ABCB5: variants seen among roughly 807,000 people sequenced by gnomAD.
ABCB5 encodes ATP-binding cassette sub-family B member 5.
Under a neutral mutation model 144.2 loss-of-function variants are expected in ABCB5, and 155 were observed. The observed-to-expected ratio is 1.08, with a 90% confidence interval of 0.94 to 1.23. ABCB5 has a LOEUF of 1.23. Among genes scored for constraint, ABCB5 ranks in the 50% most tolerant of loss-of-function variants. ABCB5 has a pLI of 0.00. For synonymous variants in ABCB5, 610 were observed against 528.6 expected (o/e 1.15, Z -2.11); for missense variants, 1,830 against 1,520.8 (o/e 1.20, Z -3.38).
At chr7:20,738,068 G>A (rs1432942401) in intron 23 of ABCB5, among the ~76,000 whole-genome samples, 1 of 152,192 alleles carries the variant, frequency 6.6e-6, no homozygotes, top group East Asian at 1.9e-4. Flanking sequence ...TTCACAAGGA[G>A]CCCAGACGTG....
chr7:20,706,882 A>G (rs1221150938), intron 20 of ABCB5, among the ~76,000 whole-genome samples: 1 of 152,200 alleles, frequency 6.6e-6, no homozygotes, highest in African/African-American at 2.4e-5. Context: ...GAATAAAACA[A>G]TCGAAGAAAG....
Position 20,643,331 on chromosome 7 carries a change from G to C in ABCB5, c.462G>C (p.Trp154Cys). 6.2e-7 allele frequency: 1 copy of C among 1,613,970 alleles called. No homozygotes were observed. Among genetic ancestry groups the C allele is most frequent in the Non-Finnish European group, 8.5e-7 (1 of 1,179,890 alleles). Residue 154 changes from tryptophan to cysteine, a missense_variant, in exon 6 of 28, where the codon TGG becomes TGC. Trp to Cys is a radical substitution (Grantham distance 215, BLOSUM62 -2). Coordinates refer to ENST00000404938, the MANE Select transcript of ABCB5 (RefSeq NM_001163941.2). Reference sequence around the variant, plus strand: ...CAGTTTTGGCACAGGACATCGGCTGGTTTGATAGCTGTGACATCGGTGAAC... The same window carrying C: ...CAGTTTTGGCACAGGACATCGGCTGCTTTGATAGCTGTGACATCGGTGAAC... ...FHSVLAQDIG[W>C]FDSCDIGELN...
intron 23 of ABCB5, among the ~76,000 whole-genome samples, chr7:20,738,156 T>C (rs1782448592): frequency 6.6e-6 from 1 of 152,224 alleles, no homozygotes; most frequent in Admixed American, 6.5e-5. Context: ...TGTTTAAATA[T>C]TGCCAGCGAC....
intron 21 of ABCB5, among the ~76,000 whole-genome samples, chr7:20,726,209 C>T (rs116835727): frequency 0.012 from 1,781 of 152,184 alleles, 38 homozygotes; most frequent in African/African-American, 0.04. Context: ...CATTCACAGA[C>T]GCCAATATGA....
chr7:20,664,717 CTT>C (rs1785116923), intron 14 of ABCB5, among the ~76,000 whole-genome samples: 1 of 116,828 alleles, frequency 8.6e-6, no homozygotes, highest in Non-Finnish European at 1.8e-5. Context: ...ACCATTTACT[CTT>C]CTTACCCACC....
chr7:20,742,441 T>C lies in ABCB5; in HGVS notation c.3025-436T>C, dbSNP rs528031775. 3.9e-5 allele frequency among the ~76,000 whole-genome samples: 6 copies of C among 152,314 alleles called. No individual in the cohort carries two copies. The East Asian group carries it at 1.2e-3, about 29-fold the overall frequency. On this transcript the variant is annotated intron_variant, in intron 24 of 27. Coordinates refer to ENST00000404938, the MANE Select transcript of ABCB5 (RefSeq NM_001163941.2). ...TTCAAAACATACTGTACCTTCACTATAAAACATGGCCCAATTTAGAGAAAT... is the reference window on the plus strand; with the variant it reads ...TTCAAAACATACTGTACCTTCACTACAAAACATGGCCCAATTTAGAGAAAT...
chr7:20,747,929 T>G (rs1782780379), intron 26 of ABCB5, among the ~76,000 whole-genome samples: 1 of 152,188 alleles, frequency 6.6e-6, no homozygotes, highest in Admixed American at 6.5e-5. Flanking sequence ...TATGCTCAGT[T>G]GGCTGGGAAA....
chr7:20,650,864 G>A (rs967113581), intron 12 of ABCB5, among the ~76,000 whole-genome samples: 7 of 152,112 alleles, frequency 4.6e-5, no homozygotes, highest in Admixed American at 4.6e-4. Flanking sequence ...AGAAAACAAG[G>A]GTTGGTAAGA....
intron 20 of ABCB5, among the ~76,000 whole-genome samples, chr7:20,711,893 C>T (rs1787084917): frequency 2.6e-5 from 3 of 113,842 alleles, no homozygotes; most frequent in East Asian, 3.2e-4. Context: ...TCCCTCCCTC[C>T]TTCCTTCCTT....
intron 14 of ABCB5, among the ~76,000 whole-genome samples, chr7:20,673,524 C>T (rs1785515194): frequency 6.6e-6 from 1 of 151,934 alleles, no homozygotes; most frequent in Non-Finnish European, 1.5e-5. Flanking sequence ...AACTTATTTA[C>T]TTTGGTTATA....
intron 23 of ABCB5, among the ~76,000 whole-genome samples, chr7:20,731,227 G>A (rs902494263): frequency 2.0e-5 from 3 of 151,520 alleles, no homozygotes; most frequent in African/African-American, 4.9e-5. Flanking sequence ...GGTGGTGGGC[G>A]CCTGTAATCC....
chr7:20,630,844 ATTCTAATTT>A (rs57419347), intron 4 of ABCB5, among the ~76,000 whole-genome samples: 36,534 of 151,934 alleles, frequency 0.24, 5,128 homozygotes, highest in African/African-American at 0.39. Context: ...ATTGCTGTGA[ATTCTAATTT>A]TTCTTGTTGT....
chr7:20,668,554 G>C (rs1432777791), intron 14 of ABCB5, among the ~76,000 whole-genome samples: 2 of 151,532 alleles, frequency 1.3e-5, no homozygotes, highest in African/African-American at 2.4e-5. Context: ...AATGAGGAGC[G>C]TCTCCGCCCG....
Position 20,643,236 on chromosome 7 carries a change from A to G in ABCB5, c.367A>G (p.Ile123Val). ...IGVAALIFGY[I>V]QISLWIITAA... ...TGTTGCTGCCTTGATTTTTGGTTAC[A>G]TACAGATTTCCTTGTGGATTATAAC... is the stretch of plus-strand genomic sequence containing the variant. The change falls in exon 6 of 28, where the codon ATA (isoleucine) becomes GTA (valine). Residue 123 changes from isoleucine (I) to valine (V), a missense_variant. Physicochemically the swap from Ile to Val is conservative, Grantham distance 29 (BLOSUM62 3). Transcript: ENST00000404938. The G allele has an allele frequency of 6.2e-7, 1 of 1,613,616 alleles. No homozygotes were observed. The highest frequency in any genetic ancestry group is 8.5e-7 in the Non-Finnish European group (1 of 1,179,700).
chr7:20,627,709 G>A (rs1385746787), intron 3 of ABCB5, among the ~76,000 whole-genome samples: 2 of 151,640 alleles, frequency 1.3e-5, no homozygotes, highest in Non-Finnish European at 1.5e-5. Context: ...GATAGGCATT[G>A]TTCTGTGTAG....
At chr7:20,645,659 T>C in intron 7 of ABCB5, 97 bp from the exon 8 acceptor site, 1 of 1,421,208 alleles carries the variant, frequency 7.0e-7, no homozygotes, top group Non-Finnish European at 9.6e-7. Context: ...AAAAATACCA[T>C]TAGTCTACTT....
intron 5 of ABCB5, among the ~76,000 whole-genome samples, chr7:20,634,990 G>A (rs183858367): frequency 9.2e-5 from 14 of 151,986 alleles, no homozygotes; most frequent in South Asian, 4.2e-4. Flanking sequence ...GCCAATGTCC[G>A]GAAGAGTTTG....
At chr7:20,728,248 C>T in intron 22 of ABCB5, 67 bp from the exon 23 acceptor site, 1 of 1,546,378 alleles carries the variant, frequency 6.5e-7, no homozygotes, top group Admixed American at 1.8e-5. Flanking sequence ...ATTTATTACT[C>T]TACATGTATT....
Position 20,711,064 on chromosome 7 carries a change from G to T in ABCB5, c.2421+6257G>T, listed in dbSNP as rs759113935. Among the ~76,000 whole-genome samples the T allele has an allele frequency of 3.9e-4, 58 of 149,676 alleles. 3 individuals are homozygous for T. Among genetic ancestry groups the T allele is most frequent in the Non-Finnish European group, 7.1e-4 (48 of 67,332 alleles). ...TACAGCGTAAGAAACTTAAAATAGTGCAGTACTTCCATTTTCCCCTCCAAA... is the reference window on the plus strand; with the variant it reads ...TACAGCGTAAGAAACTTAAAATAGTTCAGTACTTCCATTTTCCCCTCCAAA... On this transcript the variant is annotated intron_variant, in intron 20 of 27. Coordinates refer to ENST00000404938, the MANE Select transcript of ABCB5 (RefSeq NM_001163941.2).
Sources: gnomAD v4.1 joint callset for allele counts (sites outside exome capture counted in the v4.1 genomes callset) on GRCh38, gnomAD v4.1.1 for gene constraint, MANE v1.5 for transcripts, NCBI Gene and HGNC (gene_info 2026-07-23, HGNC 2026-07-21) for gene names.